The following ARID1A variants were observed in gnomAD, a reference collection of about 807,000 sequenced individuals.
The protein encoded by ARID1A is AT-rich interaction domain 1A.
A neutral mutation model predicts 212.6 loss-of-function variants in ARID1A; 20 were observed. The ratio of observed to expected loss-of-function variants is 0.09; its 90% CI spans 0.07 to 0.14. ARID1A has a LOEUF of 0.14. Ranked by LOEUF, ARID1A falls within the 10% of genes least tolerant of loss-of-function variation. The probability of loss-of-function intolerance (pLI) is 1.00; values close to 1 mark genes in which losing one functional copy is unlikely to be tolerated. For synonymous variants in ARID1A, 1,376 were observed against 1,222.1 expected, an observed-to-expected ratio of 1.13 and a Z score of -2.63; for missense variants, 2,587 against 3,059.0, an observed-to-expected ratio of 0.85 and a Z score of 3.64.
At chr1:26,765,430 G>A (rs1268367966) in intron 8 of ARID1A, 1 of 152,026 alleles carries the variant, frequency 6.6e-6, no homozygotes, top group Non-Finnish European at 1.5e-5. Flanking sequence ...GGAGCTTGCA[G>A]TGAGCTGAGA....
chr1:26,715,163 GT>G (rs931589916), intron 1 of ARID1A, among the ~76,000 whole-genome samples: 1 of 152,052 alleles, frequency 6.6e-6, no homozygotes, highest in Non-Finnish European at 1.5e-5. Context: ...GCTAGGGGCA[GT>G]TTTTATCTTT....
chr1:26,704,559 C>T (rs1014702551), intron 1 of ARID1A, among the ~76,000 whole-genome samples: 2 of 152,072 alleles, frequency 1.3e-5, no homozygotes, highest in Admixed American at 6.6e-5. Flanking sequence ...ATAGAAATGG[C>T]CTTTAATACT....
At chr1:26,724,001 G>A (rs1044752252) in intron 1 of ARID1A, among the ~76,000 whole-genome samples, 1 of 152,098 alleles carries the variant, frequency 6.6e-6, no homozygotes, top group African/African-American at 2.4e-5. Context: ...CTTAACTACC[G>A]CTCTCTGAGG....
rs2124739346 is a variant in ARID1A at position 26,696,333 on chromosome 1, G to A, written c.-71G>A. The A allele has an allele frequency of 5.0e-6, 6 of 1,195,726 alleles. No homozygotes were observed. Among genetic ancestry groups the A allele is most frequent in the Non-Finnish European group, 6.2e-6 (6 of 966,686 alleles). The allele number at this position is 1,195,726 out of a possible 1,614,324, so 74.1% of individuals were successfully genotyped here. A position where few individuals can be genotyped will look rare whatever the true frequency, so the allele number is the denominator to read the frequency against. Reference sequence around the variant, plus strand: ...AGGGCAGCCCGGGGGACTGGGCCCCGGGGCGGGGTGGGAGGGGGGGAGAAG... The same window carrying A: ...AGGGCAGCCCGGGGGACTGGGCCCCAGGGCGGGGTGGGAGGGGGGGAGAAG... On this transcript the variant is annotated 5_prime_UTR_variant, in exon 1 of 20. Transcript: ENST00000324856.
rs1258701198 is a variant in ARID1A, at chr1:26,729,637, T to C, written c.1138-14T>C. The C allele has an allele frequency of 1.2e-6, 2 of 1,613,540 alleles. No homozygotes were observed. The highest frequency in any genetic ancestry group is 2.2e-5 in the South Asian group (2 of 91,080). On this transcript the variant is annotated splice_polypyrimidine_tract_variant and intron_variant, in intron 1 of 19. Transcript: ENST00000324856. ...ATCAAAGCTCAGGTTAATGAAATGC[T>C]CTTTATTTTGTAGCCATCCAGTCCA...
chr1:26,760,670 G>A (rs932432449), intron 4 of ARID1A, among the ~76,000 whole-genome samples, 186 bp from the exon 5 acceptor site: 5 of 151,592 alleles, frequency 3.3e-5, no homozygotes, highest in East Asian at 3.9e-4. Context: ...CCTGGGCAAC[G>A]AGTGAAACAC....
Position 26,697,377 on chromosome 1 carries a change from C to G in ARID1A, c.974C>G (p.Ala325Gly), listed in dbSNP as rs1013289890. 7.6e-7 allele frequency: 1 copy of G among 1,315,772 alleles called. No individual in the cohort carries two copies. Among genetic ancestry groups the G allele is most frequent in the African/African-American group, 1.5e-5 (1 of 64,866 alleles). The allele number at this position is 1,315,772 out of a possible 1,614,324, so 81.5% of individuals were successfully genotyped here. A position where few individuals can be genotyped will look rare whatever the true frequency, so the allele number is the denominator to read the frequency against. ...AGTGGCGGGCCCCAGGACGGGGGCG[C>G]CGGCAAGGGCCCGGCGGACATGGCC... ...DYSGGPQDGG[A>G]GKGPADMASQ... Residue 325 changes from alanine to glycine, a missense_variant, in exon 1 of 20, where the codon GCC (alanine) becomes GGC (glycine). Physicochemically the swap from Ala to Gly is moderately conservative, Grantham distance 60. Transcript: ENST00000324856.
chr1:26,731,067 C>T, intron 2 of ARID1A, 85 bp from the exon 3 acceptor site: 2 of 1,374,560 alleles, frequency 1.5e-6, no homozygotes, highest in South Asian at 1.3e-5. Flanking sequence ...CTATACTCAT[C>T]ATCAGTGCAT....
intron 11 of ARID1A, chr1:26,769,451 T>A (rs576732629): frequency 6.6e-6 from 1 of 152,274 alleles, no homozygotes; most frequent in South Asian, 2.1e-4. Context: ...ATTAGTAGGG[T>A]TTAGGTGGAA....
chr1:26,750,039 T>C (rs1371187434), intron 4 of ARID1A, among the ~76,000 whole-genome samples: 1 of 152,232 alleles, frequency 6.6e-6, no homozygotes, highest in Non-Finnish European at 1.5e-5. Context: ...ATCTTTCTGG[T>C]CACTAATAGC....
At chr1:26,758,260 G>T (rs992723648) in intron 4 of ARID1A, among the ~76,000 whole-genome samples, 3 of 152,100 alleles carry the variant, frequency 2.0e-5, no homozygotes, top group Admixed American at 2.0e-4. Context: ...TGGCTCAGAG[G>T]CTAGATGTCC....
At chr1:26,775,536 A>G (rs1215680747) in intron 18 of ARID1A, 41 bp from the exon 19 acceptor site, 8 of 1,611,612 alleles carry the variant, frequency 5.0e-6, no homozygotes, top group Middle Eastern at 1.9e-4. Context: ...CCTCCAGCCA[A>G]CCTGGGCTTG....
intron 11 of ARID1A, chr1:26,770,790 T>A: frequency 3.8e-6 from 1 of 265,690 alleles, no homozygotes; most frequent in East Asian, 8.0e-5. Context: ...AAAATAGGAT[T>A]TAGATATCCA....
chr1:26,766,715 C>A, intron 10 of ARID1A, 149 bp downstream of exon 10: 1 of 822,260 alleles, frequency 1.2e-6, no homozygotes, highest in Non-Finnish European at 1.9e-6. Flanking sequence ...CTCCTCTTAT[C>A]ATGAAAGGTC....
chr1:26,763,397 G>A, intron 8 of ARID1A, 112 bp downstream of exon 8: 1 of 1,242,998 alleles, frequency 8.0e-7, no homozygotes, highest in East Asian at 2.6e-5. Flanking sequence ...GGGTGTGTGT[G>A]TATGAAGTGT....
chr1:26,737,649 T>G (rs2080746998), intron 4 of ARID1A, among the ~76,000 whole-genome samples: 2 of 152,064 alleles, frequency 1.3e-5, no homozygotes, highest in Admixed American at 6.5e-5. Context: ...GCGGATCACC[T>G]GAGGTCGAGA....
intron 1 of ARID1A, among the ~76,000 whole-genome samples, chr1:26,709,258 C>T (rs940509309): frequency 6.6e-6 from 1 of 152,178 alleles, no homozygotes; most frequent in African/African-American, 2.4e-5. Context: ...CCTGATTGGT[C>T]AATCCCACAA....
intron 1 of ARID1A, among the ~76,000 whole-genome samples, chr1:26,705,107 T>TTGGTTAA (rs2080376077): frequency 2.0e-5 from 3 of 152,062 alleles, no homozygotes; most frequent in Non-Finnish European, 4.4e-5. Context: ...TGGAGAAGGA[T>TTGGTTAA]TGGTTACACT....
chr1:26,780,574 A>G lies in ARID1A; in HGVS notation c.6676A>G (p.Thr2226Ala), dbSNP rs2124151708. ...CATGCAGAACCCACCCTTTGAGCCA[A>G]CTAGTGTGGACATGATGCGGCGGGC... The part of the protein sequence containing the change: ...LHMQNPPFEP[T>A]SVDMMRRAAR... The change falls in exon 20 of 20, where the codon ACT (threonine) becomes GCT (alanine). Residue 2226 changes from threonine to alanine, a missense_variant. Around this residue, in one of 11 missense-constraint regions of ARID1A, gnomAD observed 16 missense variants for 33.2 expected, o/e 0.48. Coordinates refer to ENST00000324856, the MANE Select transcript of ARID1A (RefSeq NM_006015.6). The surrounding 1 kb of genome is among the most constrained non-coding windows in gnomAD (Gnocchi z 7.2). The G allele has an allele frequency of 6.2e-7, 1 of 1,614,116 alleles. No homozygotes were observed. The highest frequency in any genetic ancestry group is 8.5e-7 in the Non-Finnish European group (1 of 1,179,960).
Sources: allele counts gnomAD v4.1 joint callset (sites outside exome capture counted in the v4.1 genomes callset), GRCh38; gene constraint gnomAD v4.1.1; regional missense constraint gnomAD v4.1.1; non-coding constraint Gnocchi (gnomAD v3.1); transcripts MANE v1.5; gene names NCBI Gene and HGNC (gene_info 2026-07-23, HGNC 2026-07-21).